Variants in GRHL2 observed in about 807,000 individuals in gnomAD.
GRHL2 encodes the protein grainyhead like transcription factor 2.
A neutral mutation model predicts 83.8 loss-of-function variants in GRHL2; 21 were observed. That is an observed-to-expected ratio of 0.25 (90% confidence interval 0.18 to 0.36). The LOEUF is 0.36. Ranked by LOEUF, GRHL2 falls within the 10% of genes least tolerant of loss-of-function variation. The pLI, the probability that GRHL2 is intolerant of heterozygous loss-of-function variation, is 1.00. For synonymous variants in GRHL2, 280 were observed against 278.9 expected, an observed-to-expected ratio of 1.00 and a Z score of -0.04; for missense variants, 623 against 781.8, an observed-to-expected ratio of 0.80 and a Z score of 2.42.
intron 14 of GRHL2, among the ~76,000 whole-genome samples, chr8:101,656,836 G>A (rs1813797955): frequency 6.7e-6 from 1 of 149,426 alleles, no homozygotes; most frequent in African/African-American, 2.5e-5. Context: ...TCATGTGTCT[G>A]TCTGTGTGTC....
rs34202494 is a variant in GRHL2, at chr8:101,662,860, C to CATATATATATATATATATATATATATAT, written c.1699-1585_1699-1584insTATATATATATATATATATATATATATA. On this transcript the variant is annotated intron_variant, in intron 14 of 15. Coordinates refer to ENST00000646743, the MANE Select transcript of GRHL2 (RefSeq NM_024915.4). ...CCTTCAAATATTCTCTATGTACTTA[C>CATATATATATATATATATATATATATAT]ATATATATACATATATATATTTAAA... Among the ~76,000 whole-genome samples, 495 of 145,794 alleles carry CATATATATATATATATATATATATATAT rather than the reference C, an allele frequency of 3.4e-3. 14 individuals carry two copies. Among genetic ancestry groups the CATATATATATATATATATATATATATAT allele is most frequent in the African/African-American group, 0.012 (470 of 38,726 alleles).
chr8:101,595,977 T>G (rs1297739700), intron 7 of GRHL2, among the ~76,000 whole-genome samples: 1 of 151,664 alleles, frequency 6.6e-6, no homozygotes, highest in Non-Finnish European at 1.5e-5. Context: ...AAAATTAGCC[T>G]GGTGTGGTGG....
At chr8:101,678,439 C>G in the GRHL2 span, among the ~76,000 whole-genome samples, 3 of 151,736 alleles carry the variant, frequency 2.0e-5, no homozygotes, top group Non-Finnish European at 4.4e-5. Flanking sequence ...CCTACGCCCA[C>G]GGAGTCTCGC....
At chr8:101,589,260 T>C (rs969229195) in intron 7 of GRHL2, among the ~76,000 whole-genome samples, 7 of 152,198 alleles carry the variant, frequency 4.6e-5, no homozygotes, top group Admixed American at 2.6e-4. Flanking sequence ...GATTTACAAA[T>C]TAAATTTGTG....
At chr8:101,649,187 G>A (rs1813571923) in intron 13 of GRHL2, among the ~76,000 whole-genome samples, 2 of 152,220 alleles carry the variant, frequency 1.3e-5, no homozygotes, top group Admixed American at 1.3e-4. Context: ...CTACGGCCGG[G>A]TTGTCGGTTT....
chr8:101,640,751 G>A (rs991394628), intron 12 of GRHL2, among the ~76,000 whole-genome samples: 10 of 152,186 alleles, frequency 6.6e-5, no homozygotes, highest in African/African-American at 2.4e-4. Flanking sequence ...TGGGGCAGTA[G>A]TATCCTTGGT....
At chr8:101,662,120 G>A (rs970980136) in intron 14 of GRHL2, among the ~76,000 whole-genome samples, 5 of 152,160 alleles carry the variant, frequency 3.3e-5, no homozygotes, top group African/African-American at 7.2e-5. Context: ...TTTTGCATGC[G>A]TGTGCTCCAC....
chr8:101,556,298 G>A (rs1811488185), intron 3 of GRHL2, among the ~76,000 whole-genome samples: 1 of 152,096 alleles, frequency 6.6e-6, no homozygotes, highest in Non-Finnish European at 1.5e-5. Context: ...CACAATGAGA[G>A]ATGCCACAAA....
intron 2 of GRHL2, among the ~76,000 whole-genome samples, chr8:101,550,043 A>G (rs559400335): frequency 7.2e-5 from 11 of 151,754 alleles, no homozygotes; most frequent in Non-Finnish European, 1.5e-4. Flanking sequence ...TTTTCTATAT[A>G]TGTATAGTTT....
intron 2 of GRHL2, chr8:101,543,880 T>G (rs526567): frequency 0.35 from 75,142 of 216,676 alleles, 13,824 homozygotes; most frequent in South Asian, 0.48. Context: ...TCCACATGGC[T>G]GGGGAGGCCT....
intron 2 of GRHL2, among the ~76,000 whole-genome samples, chr8:101,544,549 G>A (rs528530169): frequency 6.6e-6 from 1 of 152,290 alleles, no homozygotes; most frequent in African/African-American, 2.4e-5. Context: ...ATAAAAAGTT[G>A]ACCAGTATTT....
intron 1 of GRHL2, among the ~76,000 whole-genome samples, chr8:101,531,823 GGA>G (rs141915427): frequency 2.0e-5 from 3 of 151,362 alleles, no homozygotes; most frequent in South Asian, 4.2e-4. Flanking sequence ...AGGGGGTGGG[GGA>G]GAGAGAGAGA....
intron 9 of GRHL2, among the ~76,000 whole-genome samples, chr8:101,627,385 G>A (rs1179101994): frequency 1.3e-5 from 2 of 152,058 alleles, no homozygotes; most frequent in South Asian, 2.1e-4. Context: ...TGTTACTATT[G>A]TAATTGTTTT....
intron 1 of GRHL2, among the ~76,000 whole-genome samples, chr8:101,515,785 T>C (rs747150260): frequency 1.1e-4 from 16 of 152,220 alleles, no homozygotes; most frequent in Middle Eastern, 3.2e-3. Context: ...GCCAGCTGAC[T>C]GGTGTTGGGG....
intron 8 of GRHL2, among the ~76,000 whole-genome samples, chr8:101,612,607 A>T (rs1812775905): frequency 6.6e-6 from 1 of 150,904 alleles, no homozygotes; most frequent in Non-Finnish European, 1.5e-5. Flanking sequence ...TCAATTTATG[A>T]TTGTTGATTG....
chr8:101,612,440 C>T (rs1563607671), intron 8 of GRHL2, among the ~76,000 whole-genome samples: 1 of 150,176 alleles, frequency 6.7e-6, no homozygotes, highest in Non-Finnish European at 1.5e-5. Flanking sequence ...TTCCCATGGC[C>T]TCTATATATA....
At chr8:101,522,193 C>G (rs1457985184) in intron 1 of GRHL2, among the ~76,000 whole-genome samples, 1 of 151,708 alleles carries the variant, frequency 6.6e-6, no homozygotes, top group Non-Finnish European at 1.5e-5. Flanking sequence ...AATGATTAAC[C>G]AACAGTATGC....
intron 1 of GRHL2, among the ~76,000 whole-genome samples, chr8:101,523,770 GC>G (rs1810745526): frequency 6.6e-6 from 1 of 151,980 alleles, no homozygotes; most frequent in Non-Finnish European, 1.5e-5. Flanking sequence ...TGAGCCACTG[GC>G]CCAGCCTTCT....
chr8:101,530,414 T>C (rs1810899621), intron 1 of GRHL2, among the ~76,000 whole-genome samples: 2 of 152,204 alleles, frequency 1.3e-5, no homozygotes, highest in Non-Finnish European at 2.9e-5. Flanking sequence ...AAAAACTGAC[T>C]CTCTCTTTAA....
Sources: allele counts gnomAD v4.1 joint callset (sites outside exome capture counted in the v4.1 genomes callset), GRCh38; gene constraint gnomAD v4.1.1; transcripts MANE v1.5; gene names NCBI Gene and HGNC (gene_info 2026-07-23, HGNC 2026-07-21).